The following FAT1 variants were observed in gnomAD, a reference collection of about 807,000 sequenced individuals.
The protein encoded by FAT1 is FAT atypical cadherin 1.
Under a neutral mutation model 329.8 loss-of-function variants are expected in FAT1, and 171 were observed. The observed-to-expected ratio is 0.52, with a 90% CI of 0.46 to 0.59. The LOEUF (loss-of-function observed/expected upper bound fraction) is 0.59. FAT1 is among the 20% of genes least tolerant of loss of function. The pLI is 0.00. For synonymous variants in FAT1, 2,233 were observed against 2,228.6 expected (o/e 1.00, Z -0.06); for missense variants, 5,672 against 5,774.4 (o/e 0.98, Z 0.57).
chr4:186,715,129 T>A (rs1579503079), intron 1 of FAT1, among the ~76,000 whole-genome samples: 1 of 145,264 alleles, frequency 6.9e-6, no homozygotes, highest in South Asian at 2.1e-4. Flanking sequence ...TCCCCCTCCA[T>A]CCCCCCACCA....
At chr4:186,615,786 G>A (rs1314489387) in intron 11 of FAT1, among the ~76,000 whole-genome samples, 1 of 151,924 alleles carries the variant, frequency 6.6e-6, no homozygotes, top group East Asian at 1.9e-4. Context: ...CCTTTTGTTA[G>A]TATCCTCTCA....
chr4:186,720,850 G>A (rs1745441829), intron 1 of FAT1, among the ~76,000 whole-genome samples: 2 of 152,216 alleles, frequency 1.3e-5, no homozygotes, highest in Non-Finnish European at 1.5e-5. Context: ...TTGGGGAGGG[G>A]ATATAGAGAG....
At chr4:186,630,415 A>G (rs1165325919) in intron 7 of FAT1, among the ~76,000 whole-genome samples, 1 of 152,120 alleles carries the variant, frequency 6.6e-6, no homozygotes. Context: ...ACAGTAAAGG[A>G]GCAAGAAGAA....
intron 3 of FAT1, among the ~76,000 whole-genome samples, chr4:186,651,434 C>T (rs561104032): frequency 3.9e-5 from 6 of 152,186 alleles, no homozygotes; most frequent in African/African-American, 1.4e-4. Flanking sequence ...TCAAGGGCAG[C>T]ATTTGTCTGT....
chr4:186,591,685 A>G (rs78114555), intron 26 of FAT1, among the ~76,000 whole-genome samples: 5,610 of 152,320 alleles, frequency 0.037, 228 homozygotes, highest in East Asian at 0.18. Flanking sequence ...AAATACAGGT[A>G]TGTTTCTGAT....
chr4:186,697,770 T>A (rs1198458060), intron 2 of FAT1, among the ~76,000 whole-genome samples: 1 of 152,192 alleles, frequency 6.6e-6, no homozygotes, highest in Non-Finnish European at 1.5e-5. Context: ...GCCATCATCA[T>A]CATCACCATT....
rs529577214 is a variant in FAT1 at position 186,652,280 on chromosome 4, AC to A, written c.3580+11018del. On this transcript the variant is annotated intron_variant, in intron 3 of 26. Coordinates refer to ENST00000441802, the MANE Select transcript of FAT1 (RefSeq NM_005245.4). The stretch of plus-strand genomic sequence containing the variant: ...TCAGAAGAAGAGGATAGGGTACACA[AC>A]CCATTTTATAAGGTTAACATCATGT... Among the ~76,000 whole-genome samples the A allele has an allele frequency of 8.3e-3, 1,263 of 152,290 alleles. 8 individuals carry two copies. Among genetic ancestry groups the A allele is most frequent in the Non-Finnish European group, 0.014 (945 of 68,016 alleles).
In FAT1 at chr4:186,621,651, T is replaced by G. The variant is rs896366284; in HGVS notation, c.4935A>C (p.Pro1645=). ...GCACAGAAGTTATTTCACTCATTGG[T>G]GGACTGCCCTTATCTGTAGCTTTTA... is the stretch of plus-strand genomic sequence containing the variant. ...LMVKATDKGS[P]PMSEITSVRI... The change falls in exon 10 of 27, where the codon CCA becomes CCC. Residue 1645 remains proline, a synonymous_variant. Transcript: ENST00000441802. 27 of 1,613,932 alleles carry G rather than the reference T, an allele frequency of 1.7e-5. No individual in the cohort carries two copies. Among genetic ancestry groups the G allele is most frequent in the Non-Finnish European group, 2.3e-5 (27 of 1,179,916 alleles).
In FAT1 at chr4:186,618,035, A is replaced by G. The variant is rs1263991844; in HGVS notation, c.8551T>C (p.Ser2851Pro). 1.2e-6 allele frequency: 2 copies of G among 1,614,036 alleles called. No individual in the cohort carries two copies. Among genetic ancestry groups the G allele is most frequent in the Middle Eastern group, 1.6e-4 (1 of 6,062 alleles). ...GATTCAATGACTTCCACACTTTGTG[A>G]CTGATCCAGGCTATACATAACTTGG... Reference protein sequence around the residue: ...NGQVMYSLDQSQSVEVIESFA... With the variant: ...NGQVMYSLDQPQSVEVIESFA... The change falls in exon 10 of 27, where the codon TCA (serine) becomes CCA (proline). Residue 2851 changes from serine (S) to proline (P), a missense_variant. Coordinates refer to ENST00000441802, the MANE Select transcript of FAT1 (RefSeq NM_005245.4).
At chr4:186,605,490 A>G (rs1324611234) in intron 17 of FAT1, among the ~76,000 whole-genome samples, 1 of 113,498 alleles carries the variant, frequency 8.8e-6, no homozygotes, top group Non-Finnish European at 1.8e-5. Flanking sequence ...GGAGTGGAGA[A>G]GAGGTGGAGG....
In FAT1 at chr4:186,707,162, T is replaced by C. The variant is rs771040410; in HGVS notation, c.2666A>G (p.His889Arg). ...GGCCTCAATCTTTAAGGAGTGCTCA[T>C]GCTGCAGCTCTCGATCCAGAGGGCG... is the stretch of plus-strand genomic sequence containing the variant. The part of the protein sequence containing the change: ...IARPLDRELQ[H>R]EHSLKIEARD... The change falls in exon 2 of 27, where the codon CAT (histidine) becomes CGT (arginine). Residue 889 changes from histidine to arginine, a missense_variant. This residue lies in a region of FAT1 where 3,966 missense variants were observed against 3,915.2 expected (regional missense o/e 1.01). Transcript: ENST00000441802. 1.3e-5 allele frequency: 21 copies of C among 1,613,840 alleles called. No individual in the cohort carries two copies. The highest frequency in any genetic ancestry group is 1.8e-5 in the Non-Finnish European group (21 of 1,179,886).
At chr4:186,633,922 A>G (rs947069571) in intron 6 of FAT1, 99 bp from the exon 7 acceptor site, 2 of 1,310,714 alleles carry the variant, frequency 1.5e-6, no homozygotes, top group Non-Finnish European at 2.1e-6. Flanking sequence ...AAATCTTCTA[A>G]TATACTAGCA....
At chr4:186,726,472 C>G (rs1745723475), upstream of FAT1, 1 of 141,262 alleles carries the variant, frequency 7.1e-6, no homozygotes, top group Non-Finnish European at 1.5e-5. Flanking sequence ...TCCCCGGGAT[C>G]TTCAGCATGT....
intron 9 of FAT1, among the ~76,000 whole-genome samples, chr4:186,624,873 C>T (rs1439424643): frequency 6.6e-6 from 1 of 152,212 alleles, no homozygotes; most frequent in Admixed American, 6.5e-5. Context: ...TGCACACACC[C>T]CTTCCACAAA....
chr4:186,627,422 C>T (rs985530888), intron 9 of FAT1, among the ~76,000 whole-genome samples: 1 of 152,202 alleles, frequency 6.6e-6, no homozygotes, highest in Non-Finnish European at 1.5e-5. Context: ...CCAAAAACAT[C>T]CTGCTATGCC....
At chr4:186,609,670 A>G in intron 15 of FAT1, 131 bp downstream of exon 15, 2 of 675,674 alleles carry the variant, frequency 3.0e-6, no homozygotes, top group Admixed American at 5.1e-5. Flanking sequence ...CAGTTGGCCT[A>G]ACAAAAGACA....
chr4:186,610,126 T>C, intron 14 of FAT1, 111 bp from the exon 15 acceptor site: 1 of 637,740 alleles, frequency 1.6e-6, no homozygotes, highest in Admixed American at 2.9e-5. Context: ...CTTCAAAAGT[T>C]TACTTACCAT....
chr4:186,673,971 A>C (rs1035492478), intron 2 of FAT1, among the ~76,000 whole-genome samples: 13 of 152,224 alleles, frequency 8.5e-5, no homozygotes, highest in Admixed American at 7.2e-4. Context: ...TAATTGGATA[A>C]AACTACATCC....
chr4:186,651,531 G>T (rs1269387143), intron 3 of FAT1, among the ~76,000 whole-genome samples: 1 of 152,108 alleles, frequency 6.6e-6, no homozygotes. Flanking sequence ...TGAGTATCAC[G>T]CCTGGTTCTG....
Sources: gnomAD v4.1 joint callset for allele counts (sites outside exome capture counted in the v4.1 genomes callset) on GRCh38, gnomAD v4.1.1 for gene constraint, gnomAD v4.1.1 regional missense constraint, MANE v1.5 for transcripts, NCBI Gene and HGNC (gene_info 2026-07-23, HGNC 2026-07-21) for gene names.